Variants in USP33 observed in about 807,000 individuals in gnomAD.
USP33 encodes ubiquitin carboxyl-terminal hydrolase 33.
A neutral mutation model predicts 124.2 loss-of-function variants in USP33; 46 were observed. The observed-to-expected ratio is 0.37, with a 90% CI of 0.29 to 0.47. The LOEUF (loss-of-function observed/expected upper bound fraction) is 0.47. Ranked by LOEUF, USP33 falls within the 20% of genes least tolerant of loss-of-function variation. USP33 has a pLI of 0.99. For missense variants in USP33, 851 were observed against 1,070.6 expected (o/e 0.79, Z 2.86); for synonymous variants, 350 against 352.3 (o/e 0.99, Z 0.07).
intron 15 of USP33, 95 bp from the exon 16 acceptor site, chr1:77,718,736 C>G (rs1425969835): frequency 1.0e-6 from 1 of 987,370 alleles, no homozygotes; most frequent in Non-Finnish European, 1.5e-6. Flanking sequence ...AGAGATCCAG[C>G]CTGGCAAACA....
At chr1:77,740,565 AG>A (rs1461382818) in intron 4 of USP33, among the ~76,000 whole-genome samples, 1 of 152,194 alleles carries the variant, frequency 6.6e-6, no homozygotes, top group South Asian at 2.1e-4. Flanking sequence ...CATGTTGGCC[AG>A]GCTGGTCTCG....
chr1:77,758,005 TTA>T (rs1236338633), intron 1 of USP33, among the ~76,000 whole-genome samples: 1 of 151,998 alleles, frequency 6.6e-6, no homozygotes, highest in Non-Finnish European at 1.5e-5. Flanking sequence ...TAAACTGCAG[TTA>T]TATAAAAAGA....
Position 77,701,311 on chromosome 1 carries a change from T to G in USP33, c.2509+58A>C, listed in dbSNP as rs1035725058. The G allele has an allele frequency of 4.8e-6, 6 of 1,251,200 alleles. No homozygotes were observed. In the East Asian group the frequency reaches 9.3e-5, roughly 19 times the overall value. The allele number at this position is 1,251,200 out of a possible 1,614,324, so 77.5% of individuals were successfully genotyped here. ...GTGCACACAGATATTCAAGAAATACTTGTCAAACAAAAAAACAAATAATTT... is the reference window on the plus strand; with the variant it reads ...GTGCACACAGATATTCAAGAAATACGTGTCAAACAAAAAAACAAATAATTT... On this transcript the variant is annotated intron_variant, in intron 22 of 23. Transcript: ENST00000370794.
intron 3 of USP33, 98 bp from the exon 4 acceptor site, chr1:77,741,037 A>T: frequency 4.7e-6 from 4 of 852,824 alleles, no homozygotes; most frequent in Non-Finnish European, 7.1e-6. Context: ...AGTTTGGATT[A>T]CCTGTTTTAC....
intron 6 of USP33, among the ~76,000 whole-genome samples, chr1:77,735,828 T>C (rs751801036): frequency 2.6e-5 from 4 of 152,174 alleles, no homozygotes; most frequent in Non-Finnish European, 4.4e-5. Flanking sequence ...AAAAAGATCA[T>C]AAGGCTCAAC....
At chr1:77,697,683 C>T in intron 23 of USP33, 180 bp downstream of exon 23, 1 of 874,636 alleles carries the variant, frequency 1.1e-6, no homozygotes, top group Non-Finnish European at 1.7e-6. Flanking sequence ...CTCTTAACAA[C>T]AGCCTTAAGA....
chr1:77,710,374 C>T (rs886841599), intron 21 of USP33, among the ~76,000 whole-genome samples: 6 of 152,156 alleles, frequency 3.9e-5, no homozygotes, highest in East Asian at 1.9e-4. Context: ...TAGTAATGTA[C>T]ATCTCTCATT....
Position 77,729,956 on chromosome 1 carries a change from T to G in USP33, c.639-18A>C, listed in dbSNP as rs1302471447. ...ATCCTGGCCTGAGCAAGAAAACATT[T>G]TTAAAGAGCAATTTTTGTTATTTTT... is the stretch of plus-strand genomic sequence containing the variant. On this transcript the variant is annotated intron_variant, in intron 8 of 23. Coordinates refer to ENST00000370794, the MANE Select transcript of USP33 (RefSeq NM_201624.3). The G allele has an allele frequency of 4.4e-6, 7 of 1,581,412 alleles. No homozygotes were observed. The highest frequency in any genetic ancestry group is 6.0e-6 in the Non-Finnish European group (7 of 1,166,226).
intron 22 of USP33, among the ~76,000 whole-genome samples, chr1:77,701,068 T>C (rs568015579): frequency 3.3e-5 from 5 of 152,362 alleles, no homozygotes; most frequent in African/African-American, 9.6e-5. Flanking sequence ...GTCCACTGTA[T>C]TGAATAAACC....
At chr1:77,753,294 A>G (rs1051804387) in intron 1 of USP33, among the ~76,000 whole-genome samples, 3 of 150,898 alleles carry the variant, frequency 2.0e-5, no homozygotes, top group African/African-American at 7.3e-5. Flanking sequence ...GAATAAAAAG[A>G]GTAACCAGTC....
chr1:77,711,298 C>A (rs947765524), intron 21 of USP33, among the ~76,000 whole-genome samples: 1 of 152,034 alleles, frequency 6.6e-6, no homozygotes, highest in Non-Finnish European at 1.5e-5. Context: ...GGGGCCAAGA[C>A]AGCAAATCAC....
At chr1:77,756,024 A>G (rs1445218927) in intron 1 of USP33, among the ~76,000 whole-genome samples, 2 of 152,202 alleles carry the variant, frequency 1.3e-5, no homozygotes, top group Non-Finnish European at 2.9e-5. Context: ...CTAATTTGAA[A>G]GTCAGTGTCC....
At chr1:77,701,313 G>A in intron 22 of USP33, 56 bp downstream of exon 22, 11 of 1,284,322 alleles carry the variant, frequency 8.6e-6, no homozygotes, top group Non-Finnish European at 1.2e-5. Flanking sequence ...AGAAATACTT[G>A]TCAAACAAAA....
At chr1:77,742,344 T>C (rs1316518400) in intron 1 of USP33, among the ~76,000 whole-genome samples, 4 of 152,192 alleles carry the variant, frequency 2.6e-5, no homozygotes, top group Non-Finnish European at 4.4e-5. Flanking sequence ...TCCTGTGCAC[T>C]GCAGGTTATT....
intron 12 of USP33, 73 bp from the exon 13 acceptor site, chr1:77,722,269 C>T (rs1209043839): frequency 1.5e-6 from 2 of 1,340,358 alleles, no homozygotes; most frequent in African/African-American, 3.0e-5. Flanking sequence ...AGATTTTAGA[C>T]TCTAAAGATC....
At chr1:77,713,752 C>T (rs748459181) in intron 19 of USP33, among the ~76,000 whole-genome samples, 74 of 152,058 alleles carry the variant, frequency 4.9e-4, no homozygotes, top group Non-Finnish European at 7.9e-4. Context: ...AGCAGCATGA[C>T]CATGGCTCAC....
chr1:77,721,050 G>A, intron 15 of USP33, 122 bp downstream of exon 15: 1 of 1,078,148 alleles, frequency 9.3e-7, no homozygotes, highest in South Asian at 1.4e-5. Context: ...ATTATTACTA[G>A]GATAAACCTT....
chr1:77,741,900 A>C (rs1679166362), intron 1 of USP33, 152 bp from the exon 2 acceptor site: 3 of 701,576 alleles, frequency 4.3e-6, no homozygotes, highest in Admixed American at 7.9e-5. Flanking sequence ...AAAAGAGTGT[A>C]TTCTCAAACA....
At chr1:77,720,696 A>C (rs1676472938) in intron 15 of USP33, 15 of 816,434 alleles carry the variant, frequency 1.8e-5, no homozygotes, top group Non-Finnish European at 2.2e-5. Flanking sequence ...AAGCATTAAA[A>C]GTCTAAATTG....
Sources: allele counts gnomAD v4.1 joint callset (sites outside exome capture counted in the v4.1 genomes callset), GRCh38; gene constraint gnomAD v4.1.1; transcripts MANE v1.5; gene names NCBI Gene and HGNC (gene_info 2026-07-23, HGNC 2026-07-21).